Variants in TFRC observed in about 807,000 individuals in gnomAD.
TFRC encodes transferrin receptor.
TFRC carries 35 observed loss-of-function variants against 85.8 expected under a neutral mutation model. That is an observed-to-expected ratio of 0.41 (90% confidence interval 0.31 to 0.54). TFRC has a LOEUF of 0.54. Among genes scored for constraint, TFRC ranks in the 20% least tolerant of loss-of-function variants. The probability of loss-of-function intolerance (pLI) is 0.31; values close to 1 mark genes in which losing one functional copy is unlikely to be tolerated. For missense variants in TFRC, 828 were observed against 921.5 expected (o/e 0.90, Z 1.31); for synonymous variants, 362 against 328.6 (o/e 1.10, Z -1.10).
chr3:196,068,903 C>G (rs1214313310), intron 7 of TFRC, among the ~76,000 whole-genome samples: 2 of 146,480 alleles, frequency 1.4e-5, no homozygotes, highest in African/African-American at 2.5e-5. Context: ...TGCACTCCAG[C>G]CAGGGTGACA....
intron 14 of TFRC, 46 bp from the exon 15 acceptor site, chr3:196,058,678 T>C (rs760798498): frequency 5.6e-6 from 8 of 1,428,322 alleles, no homozygotes; most frequent in East Asian, 2.3e-5. Flanking sequence ...TTGGAACTTA[T>C]TTATTCAGGC....
At chr3:196,071,581 A>T in intron 5 of TFRC, 83 bp from the exon 6 acceptor site, 1 of 1,364,360 alleles carries the variant, frequency 7.3e-7, no homozygotes, top group Non-Finnish European at 1.0e-6. Context: ...GTCTTGCATT[A>T]TTTGGCTTGA....
rs977849225 is a variant in TFRC, at chr3:196,058,520, T to A, written c.1595+54A>T. ...CAGATTTAGATTCTACCTAATGTAG[T>A]AGGTAGAATCTCTGCTTTTCTATTA... On this transcript the variant is annotated intron_variant, in intron 15 of 18. Transcript: ENST00000360110. 3 of 1,539,116 alleles carry A rather than the reference T, an allele frequency of 1.9e-6. No individual in the cohort carries two copies. The African/African-American group carries it at 4.1e-5, about 21-fold the overall frequency.
intron 9 of TFRC, among the ~76,000 whole-genome samples, chr3:196,065,975 C>A: frequency 6.9e-6 from 1 of 145,984 alleles, no homozygotes. Context: ...GGCAACAGAG[C>A]ACAAGTCCTG....
intron 2 of TFRC, among the ~76,000 whole-genome samples, chr3:196,076,845 C>CCCAGAA (rs1453518121): frequency 6.6e-6 from 1 of 152,178 alleles, no homozygotes; most frequent in African/African-American, 2.4e-5. Flanking sequence ...GTCTACCACA[C>CCCAGAA]CCAGAACCAC....
At chr3:196,079,337 G>T (rs1718972930) in intron 1 of TFRC, among the ~76,000 whole-genome samples, 1 of 152,216 alleles carries the variant, frequency 6.6e-6, no homozygotes, top group Non-Finnish European at 1.5e-5. Flanking sequence ...GGCCGGGCAT[G>T]GTGGCTCACG....
At chr3:196,065,704 A>C (rs768043571) in intron 9 of TFRC, 104 bp from the exon 10 acceptor site, 13 of 1,318,496 alleles carry the variant, frequency 9.9e-6, no homozygotes, top group Non-Finnish European at 1.3e-5. Flanking sequence ...AACAAAACTT[A>C]CTCTCAGCCC....
intron 3 of TFRC, 30 bp downstream of exon 3, chr3:196,075,129 A>G (rs2108657070): frequency 1.2e-6 from 2 of 1,608,054 alleles, no homozygotes; most frequent in East Asian, 2.2e-5. Flanking sequence ...GGTTATAGAA[A>G]ACATTGAAGT....
chr3:196,067,974 G>A, intron 8 of TFRC, 58 bp downstream of exon 8: 1 of 1,407,918 alleles, frequency 7.1e-7, no homozygotes. Context: ...TGCTAATACA[G>A]GAATCCAAGA....
chr3:196,053,114 C>CAA (rs202084265), intron 18 of TFRC, among the ~76,000 whole-genome samples: 15 of 139,932 alleles, frequency 1.1e-4, no homozygotes, highest in Non-Finnish European at 1.7e-4. Context: ...AACTCTGTCT[C>CAA]AAAAAAAAAA....
In TFRC at chr3:196,078,805, G is replaced by A. The variant is rs533531021; in HGVS notation, c.-23-1683C>T. Among the ~76,000 whole-genome samples the A allele has an allele frequency of 4.0e-5, 6 of 149,188 alleles. No homozygotes were observed. In the East Asian group the frequency reaches 7.9e-4, roughly 20 times the overall value. ...TTTTTTTTTCTTGAGACAGAGTTTC[G>A]GTCTTGTTGCCTAGGCTGGAGTGCA... On this transcript the variant is annotated intron_variant, in intron 1 of 18. Coordinates refer to ENST00000360110, the MANE Select transcript of TFRC (RefSeq NM_001128148.3).
At chr3:196,060,306 A>G in intron 13 of TFRC, 59 bp from the exon 14 acceptor site, 2 of 1,355,516 alleles carry the variant, frequency 1.5e-6, no homozygotes, top group East Asian at 2.3e-5. Context: ...TCACACTGCT[A>G]CTTCTACAAC....
At chr3:196,076,314 A>AT (rs572366190) in intron 2 of TFRC, among the ~76,000 whole-genome samples, 4,824 of 149,310 alleles carry the variant, frequency 0.032, 97 homozygotes, top group Non-Finnish European at 0.043. Flanking sequence ...TTAAAATTTC[A>AT]TTTTTTTTTT....
Position 196,060,130 on chromosome 3 carries a change from G to T in TFRC, c.1536+50C>A. On this transcript the variant is annotated intron_variant, in intron 14 of 18. Coordinates refer to ENST00000360110, the MANE Select transcript of TFRC (RefSeq NM_001128148.3). ...ATATCAGTGTTTTTTATCTCAGGTT[G>T]ATTCAACAAAAATTAAGTCATACAT... The T allele has an allele frequency of 2.0e-6, 3 of 1,465,328 alleles. No homozygotes were observed. In the South Asian group the frequency reaches 3.6e-5, roughly 18 times the overall value. 90.8% of individuals were successfully genotyped at this position (1,465,328 alleles called of 1,614,324 possible).
At chr3:196,067,955 T>C (rs1455101768) in intron 8 of TFRC, 77 bp downstream of exon 8, 35 of 1,193,850 alleles carry the variant, frequency 2.9e-5, no homozygotes, top group South Asian at 1.4e-5. Context: ...GAAGACACAG[T>C]GCTATTTCTG....
Position 196,071,492 on chromosome 3 carries a change from T to C in TFRC, c.591A>G (p.Gln197=), listed in dbSNP as rs927859350. ...FVKIQVKDSA[Q]NSVIIVDKNG... ...TCTTATCAACTATGATCACCGAGTT[T>C]TGAGCGCTGTTAAAAAGATTAAGTT... Residue 197 remains glutamine (Q), a synonymous_variant, in exon 6 of 19, where the codon CAA becomes CAG. Coordinates refer to ENST00000360110, the MANE Select transcript of TFRC (RefSeq NM_001128148.3). The C allele has an allele frequency of 3.1e-6, 5 of 1,613,904 alleles. No individual in the cohort carries two copies. In the African/African-American group the frequency reaches 6.7e-5, roughly 22 times the overall value.
At chr3:196,054,407 CA>C (rs1160849553) in intron 17 of TFRC, among the ~76,000 whole-genome samples, 2 of 149,500 alleles carry the variant, frequency 1.3e-5, no homozygotes, top group African/African-American at 4.9e-5. Context: ...CTTCATCTCT[CA>C]AAAAAAATAA....
Position 196,064,355 on chromosome 3 carries a change from A to G in TFRC, c.1272T>C (p.Ala424=). 6.2e-7 allele frequency: 1 copy of G among 1,613,828 alleles called. No individual in the cohort carries two copies. The highest frequency in any genetic ancestry group is 2.2e-5 in the East Asian group (1 of 44,844). Residue 424 remains alanine, a synonymous_variant, in exon 11 of 19, where the codon GCT becomes GCC. Transcript: ENST00000360110. ...ACATCTGGGCAAGTTTCAATAGGAGAGCTGTGCCTACACCGGATTTTGCAG... is the reference window on the plus strand; with the variant it reads ...ACATCTGGGCAAGTTTCAATAGGAGGGCTGTGCCTACACCGGATTTTGCAG... The part of the protein sequence containing the change: ...PGAAKSGVGT[A]LLLKLAQMFS...
intron 11 of TFRC, 91 bp downstream of exon 11, chr3:196,064,218 G>C (rs1717519577): frequency 2.2e-6 from 3 of 1,340,768 alleles, no homozygotes; most frequent in Non-Finnish European, 3.0e-6. Context: ...GAGAACCACA[G>C]GAATGCAGGC....
Sources: gnomAD v4.1 joint callset for allele counts (sites outside exome capture counted in the v4.1 genomes callset) on GRCh38, gnomAD v4.1.1 for gene constraint, MANE v1.5 for transcripts, NCBI Gene and HGNC (gene_info 2026-07-23, HGNC 2026-07-21) for gene names.